Variants in JAZF1 observed in about 807,000 individuals in gnomAD.
JAZF1 encodes the protein JAZF zinc finger 1, also known as juxtaposed with another zinc finger protein 1.
JAZF1 carries 8 observed loss-of-function variants against 26.4 expected under a neutral mutation model. The ratio of observed to expected loss-of-function variants is 0.30; its 90% CI spans 0.18 to 0.55. JAZF1 has a LOEUF of 0.55. Ranked by LOEUF, JAZF1 falls within the 20% of genes least tolerant of loss-of-function variation. The pLI, the probability that JAZF1 is intolerant of heterozygous loss-of-function variation, is 0.94. For missense variants in JAZF1, 199 were observed against 322.0 expected (o/e 0.62, Z 2.92); for synonymous variants, 126 against 122.3 (o/e 1.03, Z -0.20).
chr7:27,855,910 A>G (rs1436795991), intron 3 of JAZF1, among the ~76,000 whole-genome samples: 2 of 152,216 alleles, frequency 1.3e-5, no homozygotes, highest in Non-Finnish European at 2.9e-5. Context: ...GACACAACAA[A>G]AAAAGAAAAT....
At chr7:28,027,849 G>A (rs1025642880) in intron 1 of JAZF1, among the ~76,000 whole-genome samples, 5 of 152,170 alleles carry the variant, frequency 3.3e-5, no homozygotes, top group African/African-American at 1.2e-4. Flanking sequence ...ATTCAGCCCC[G>A]ATGCCTGTTT....
In JAZF1 at chr7:28,088,671, T is replaced by C. The variant is rs1784246296; in HGVS notation, c.115+91792A>G. Among the ~76,000 whole-genome samples, 5 of 152,220 alleles carry C rather than the reference T, an allele frequency of 3.3e-5. No homozygotes were observed. In the South Asian group the frequency reaches 1.0e-3, roughly 32 times the overall value. On this transcript the variant is annotated intron_variant, in intron 1 of 4. Coordinates refer to ENST00000283928, the MANE Select transcript of JAZF1 (RefSeq NM_175061.4). Reference sequence around the variant, plus strand: ...TATCTCCCAAAGAAAAGGGGGCCTGTCTCCATTCCCAAGGACTGGTCCTCT... The same window carrying C: ...TATCTCCCAAAGAAAAGGGGGCCTGCCTCCATTCCCAAGGACTGGTCCTCT...
At chr7:27,960,056 A>G (rs1347678123) in intron 2 of JAZF1, among the ~76,000 whole-genome samples, 1 of 152,210 alleles carries the variant, frequency 6.6e-6, no homozygotes, top group Non-Finnish European at 1.5e-5. Context: ...CTTGCCACCT[A>G]CTTTACTCAG....
At chr7:28,070,181 G>GA (rs1783954808) in intron 1 of JAZF1, among the ~76,000 whole-genome samples, 2 of 152,178 alleles carry the variant, frequency 1.3e-5, no homozygotes, top group South Asian at 4.1e-4. Context: ...ACTACAGCTT[G>GA]ATAGCATTAC....
intron 3 of JAZF1, among the ~76,000 whole-genome samples, chr7:27,885,863 T>C (rs996541603): frequency 2.6e-5 from 4 of 152,194 alleles, no homozygotes; most frequent in Admixed American, 6.5e-5. Context: ...AAAATAAACA[T>C]GCACAAGCAG....
intron 1 of JAZF1, among the ~76,000 whole-genome samples, chr7:28,142,048 A>G (rs1433910252): frequency 3.9e-5 from 6 of 152,238 alleles, no homozygotes; most frequent in Non-Finnish European, 8.8e-5. Flanking sequence ...TTCTACTCAC[A>G]TGGAATGATT....
At chr7:27,993,055 C>T (rs1254745751) in intron 1 of JAZF1, among the ~76,000 whole-genome samples, 1 of 152,178 alleles carries the variant, frequency 6.6e-6, no homozygotes, top group Admixed American at 6.5e-5. Flanking sequence ...GCATAAAAAT[C>T]AATTTACAAT....
At chr7:28,118,787 CA>C (rs1784790468) in intron 1 of JAZF1, among the ~76,000 whole-genome samples, 2 of 149,004 alleles carry the variant, frequency 1.3e-5, no homozygotes, top group Admixed American at 6.7e-5. Context: ...CACACACACA[CA>C]CACAACACAC....
intron 4 of JAZF1, among the ~76,000 whole-genome samples, chr7:27,838,688 T>C (rs1045318352): frequency 3.3e-5 from 5 of 152,326 alleles, no homozygotes; most frequent in Admixed American, 1.3e-4. Flanking sequence ...CAGCCCTGCC[T>C]TCCAGCCAGC....
intron 1 of JAZF1, among the ~76,000 whole-genome samples, chr7:28,133,819 G>C (rs925528351): frequency 2.6e-5 from 4 of 152,156 alleles, no homozygotes; most frequent in African/African-American, 9.7e-5. Context: ...TTCTTCCAGA[G>C]AGTCCTTCAC....
At chr7:28,002,254 A>T (rs1007454288) in intron 1 of JAZF1, among the ~76,000 whole-genome samples, 5 of 152,244 alleles carry the variant, frequency 3.3e-5, no homozygotes, top group Non-Finnish European at 4.4e-5. Context: ...GGGATTTTTT[A>T]AAAGCCAGAG....
chr7:28,121,722 G>A (rs961201947), intron 1 of JAZF1, among the ~76,000 whole-genome samples: 1 of 152,198 alleles, frequency 6.6e-6, no homozygotes. Context: ...TCTCTGTGGG[G>A]CCTAGAAAAA....
At chr7:28,105,601 C>A (rs957885054) in intron 1 of JAZF1, among the ~76,000 whole-genome samples, 1 of 152,136 alleles carries the variant, frequency 6.6e-6, no homozygotes, top group Non-Finnish European at 1.5e-5. Context: ...AAAGAAGCAA[C>A]TTATAAAATT....
In JAZF1 at chr7:28,102,098, C is replaced by T. The variant is rs529212959; in HGVS notation, c.115+78365G>A. Among the ~76,000 whole-genome samples the T allele has an allele frequency of 4.8e-4, 73 of 152,262 alleles. No individual in the cohort carries two copies. The South Asian group carries it at 0.015, about 31-fold the overall frequency. ...CAACAACCCCTCCCAGCCTGTGCCA[C>T]CACCCTGATTGCCCAGCACCCCCAA... On this transcript the variant is annotated intron_variant, in intron 1 of 4. Transcript: ENST00000283928.
At chr7:28,002,383 C>T (rs1167451199) in intron 1 of JAZF1, among the ~76,000 whole-genome samples, 1 of 152,142 alleles carries the variant, frequency 6.6e-6, no homozygotes, top group African/African-American at 2.4e-5. Flanking sequence ...ATCTGGTACC[C>T]GAGTCTCCAA....
intron 2 of JAZF1, among the ~76,000 whole-genome samples, chr7:27,904,194 G>A (rs559210138): frequency 9.3e-4 from 141 of 152,194 alleles, no homozygotes; most frequent in Non-Finnish European, 1.7e-3. Context: ...AGGAAACGGT[G>A]ATGGAAATAA....
intron 3 of JAZF1, among the ~76,000 whole-genome samples, chr7:27,877,354 A>C (rs1160885358): frequency 6.6e-6 from 1 of 152,188 alleles, no homozygotes; most frequent in Non-Finnish European, 1.5e-5. Context: ...GCAGCTTCAG[A>C]TCTTTGGAAG....
At chr7:27,868,474 C>G (rs1783520638) in intron 3 of JAZF1, among the ~76,000 whole-genome samples, 1 of 152,224 alleles carries the variant, frequency 6.6e-6, no homozygotes, top group South Asian at 2.1e-4. Flanking sequence ...TTCTCACCAT[C>G]CACTCTGAAC....
chr7:27,903,819 G>A (rs1384788637), intron 2 of JAZF1, among the ~76,000 whole-genome samples: 1 of 152,180 alleles, frequency 6.6e-6, no homozygotes, highest in African/African-American at 2.4e-5. Context: ...CTCTGACTTC[G>A]TCTGCTAGCA....
Sources: gnomAD v4.1 joint callset for allele counts (sites outside exome capture counted in the v4.1 genomes callset) on GRCh38, gnomAD v4.1.1 for gene constraint, MANE v1.5 for transcripts, NCBI Gene and HGNC (gene_info 2026-07-23, HGNC 2026-07-21) for gene names.